Variants in GRK1 observed in about 807,000 individuals in gnomAD.
GRK1 encodes the protein G protein-coupled receptor kinase 1.
Under a neutral mutation model 41.7 loss-of-function variants are expected in GRK1, and 28 were observed. That is an observed-to-expected ratio of 0.67 (90% CI 0.50 to 0.92). The LOEUF is 0.92. Ranked by LOEUF, GRK1 falls within the 40% of genes least tolerant of loss-of-function variation. The pLI, the probability that GRK1 is intolerant of heterozygous loss-of-function variation, is 0.00. For synonymous variants in GRK1, 327 were observed against 286.7 expected (o/e 1.14, Z -1.42); for missense variants, 703 against 671.2 (o/e 1.05, Z -0.52).
rs1391265864 is a variant in GRK1, at chr13:113,733,787, A to G, written c.1396+702A>G. Reference sequence around the variant, plus strand: ...TGTATGTGTGTGCATACGTGTGTGCATGTGTGTATGTGTATCTGTGTGCAT... The same window carrying G: ...TGTATGTGTGTGCATACGTGTGTGCGTGTGTGTATGTGTATCTGTGTGCAT... On this transcript the variant is annotated intron_variant, in intron 6 of 6. Transcript: ENST00000335678. Among the ~76,000 whole-genome samples, 356 of 84,106 alleles carry G rather than the reference A, an allele frequency of 4.2e-3. 7 individuals are homozygous for G. Among genetic ancestry groups the G allele is most frequent in the Middle Eastern group, 0.02 (2 of 102 alleles). 55.2% of individuals were successfully genotyped at this position (84,106 alleles called of 152,430 possible).
chr13:113,727,382 C>CT (rs1279042566), intron 4 of GRK1, among the ~76,000 whole-genome samples: 1 of 151,996 alleles, frequency 6.6e-6, no homozygotes, highest in African/African-American at 2.4e-5. Context: ...GGACTGTGGG[C>CT]TTTGAGGTGT....
intron 2 of GRK1, among the ~76,000 whole-genome samples, chr13:113,670,186 T>G (rs2049847567): frequency 6.6e-6 from 1 of 152,126 alleles, no homozygotes; most frequent in African/African-American, 2.4e-5. Flanking sequence ...CGCCCACTCC[T>G]AGGGCTGACC....
chr13:113,724,839 G>A lies in GRK1; in HGVS notation c.1069+1682G>A, dbSNP rs190400879. Among the ~76,000 whole-genome samples, 52 of 152,374 alleles carry A rather than the reference G, an allele frequency of 3.4e-4. No homozygotes were observed. In the East Asian group the frequency reaches 7.0e-3, roughly 20 times the overall value. Reference sequence around the variant, plus strand: ...CGGCCCTCGAGTCTTTGGGACCCTTGCCAAGCCTGGGTGTGAGCGCGTGGG... The same window carrying A: ...CGGCCCTCGAGTCTTTGGGACCCTTACCAAGCCTGGGTGTGAGCGCGTGGG... On this transcript the variant is annotated intron_variant, in intron 4 of 6. Coordinates refer to ENST00000335678, the MANE Select transcript of GRK1 (RefSeq NM_002929.3).
intron 1 of GRK1, among the ~76,000 whole-genome samples, chr13:113,668,937 C>G (rs1274113700): frequency 6.6e-6 from 1 of 152,248 alleles, no homozygotes; most frequent in Non-Finnish European, 1.5e-5. Context: ...GGCGGAGGCC[C>G]TGGAACATCT....
chr13:113,732,784 G>A (rs1290291496), intron 5 of GRK1, 100 bp from the exon 6 acceptor site: 17 of 1,296,382 alleles, frequency 1.3e-5, no homozygotes, highest in South Asian at 1.1e-4. Flanking sequence ...TCCCCCACCC[G>A]CGTGGGTGAG....
At position 113,667,551 on chromosome 13, in the gene GRK1, C is replaced by T; in HGVS notation, c.165C>T (p.Ser55=). 1 of 1,613,580 alleles carries T rather than the reference C, an allele frequency of 6.2e-7. No homozygotes were observed. The highest frequency in any genetic ancestry group is 1.1e-5 in the South Asian group (1 of 91,070). Residue 55 remains serine, a synonymous_variant, in exon 1 of 7, where the codon AGC becomes AGT. Coordinates refer to ENST00000335678, the MANE Select transcript of GRK1 (RefSeq NM_002929.3). The surrounding 1 kb of genome is among the most constrained non-coding windows in gnomAD (Gnocchi z 7.5). The part of the protein sequence containing the change: ...SKCESLRDSL[S]LEFESVCLEQ... ...GTGAGTCCCTCCGCGACAGCCTCAG[C>T]CTGGAGTTTGAGAGTGTGTGCTTGG...
intron 5 of GRK1, among the ~76,000 whole-genome samples, chr13:113,732,165 A>G (rs1369752233): frequency 6.6e-6 from 1 of 152,156 alleles, no homozygotes; most frequent in Non-Finnish European, 1.5e-5. Flanking sequence ...CCAGAAGGCC[A>G]CCGTCTCAGA....
chr13:113,728,258 T>TACCCATGGCGATGAGG (rs2049907422), intron 4 of GRK1, among the ~76,000 whole-genome samples: 1 of 29,298 alleles, frequency 3.4e-5, no homozygotes, highest in African/African-American at 2.2e-4. Flanking sequence ...CGATGAGGAG[T>TACCCATGGCGATGAGG]ACCCATGGCG....
At position 113,667,525 on chromosome 13, in the gene GRK1, T is replaced by C; in HGVS notation, c.139T>C (p.Cys47Arg). Residue 47 changes from cysteine to arginine, a missense_variant, in exon 1 of 7, where the codon TGT (cysteine) becomes CGT (arginine). Cys to Arg is a radical substitution (Grantham distance 180). Coordinates refer to ENST00000335678, the MANE Select transcript of GRK1 (RefSeq NM_002929.3). This position sits in a 1 kb window ranked among gnomAD's most constrained non-coding sequence, Gnocchi z 7.5. ...GCTCAAGCTGCCCCCGCTGTCCAAG[T>C]GTGAGTCCCTCCGCGACAGCCTCAG... ...AKLKLPPLSK[C>R]ESLRDSLSLE... 1 of 1,613,318 alleles carries C rather than the reference T, an allele frequency of 6.2e-7. No individual in the cohort carries two copies. The highest frequency in any genetic ancestry group is 8.5e-7 in the Non-Finnish European group (1 of 1,179,824).
chr13:113,667,121 T>C (rs1431983351), upstream of GRK1: 3 of 426,130 alleles, frequency 7.0e-6, no homozygotes, highest in African/African-American at 5.9e-5. The surrounding 1 kb of genome is among the most constrained non-coding windows in gnomAD (Gnocchi z 7.5). Context: ...GGGGATTGTC[T>C]TTTTCTAGCA....
At chr13:113,650,792 T>A in the GRK1 span, among the ~76,000 whole-genome samples, 1 of 152,118 alleles carries the variant, frequency 6.6e-6, no homozygotes. The surrounding 1 kb of genome is among the most constrained non-coding windows in gnomAD (Gnocchi z 5.0). Flanking sequence ...GGAGGCGGCT[T>A]GCTTGTCTGT....
chr13:113,655,470 A>G, the GRK1 span, among the ~76,000 whole-genome samples: 104,611 of 152,104 alleles, frequency 0.69, 37,093 homozygotes, highest in African/African-American at 0.88. Context: ...CTCAGAAGCA[A>G]GGGTGTCCAT....
upstream of GRK1, among the ~76,000 whole-genome samples, chr13:113,664,953 G>C (rs1024337837): frequency 1.3e-5 from 2 of 152,172 alleles, no homozygotes; most frequent in African/African-American, 4.8e-5. This position sits in a 1 kb window ranked among gnomAD's most constrained non-coding sequence, Gnocchi z 5.4. Context: ...GTGAACGATG[G>C]GATATCACTC....
intron 5 of GRK1, among the ~76,000 whole-genome samples, chr13:113,732,085 C>T (rs1348193910): frequency 6.6e-6 from 1 of 152,090 alleles, no homozygotes; most frequent in Non-Finnish European, 1.5e-5. Flanking sequence ...TGGCTTTTTC[C>T]CTGTGAGGCT....
In GRK1 at chr13:113,671,685, G is replaced by T; in HGVS notation, c.985+29G>T. 1.4e-6 allele frequency: 1 copy of T among 722,628 alleles called. No individual in the cohort carries two copies. Among genetic ancestry groups the T allele is most frequent in the South Asian group, 1.4e-5 (1 of 69,894 alleles). 44.8% of individuals were successfully genotyped at this position (722,628 alleles called of 1,614,324 possible). On this transcript the variant is annotated intron_variant, in intron 3 of 6. Transcript: ENST00000335678. This position sits in a 1 kb window ranked among gnomAD's most constrained non-coding sequence, Gnocchi z 4.1. ...GGAGGTGCCCTCGGCTGGGAGGGAT[G>T]AGGGCTACGAGGAGGGCGGGGCGCA... is the stretch of plus-strand genomic sequence containing the variant.
the GRK1 span, chr13:113,651,563 GCTGACA>G: frequency 7.8e-7 from 1 of 1,274,784 alleles, no homozygotes; most frequent in South Asian, 1.8e-5. Flanking sequence ...TGGGCCGACG[GCTGACA>G]TTCCTGGAGA....
At chr13:113,672,381 GTATGTGTGGTAT>G (rs2049863326) in intron 3 of GRK1, among the ~76,000 whole-genome samples, 1 of 1,520 alleles carries the variant, frequency 6.6e-4, no homozygotes, top group South Asian at 0.012. Flanking sequence ...GTGGTACGTG[GTATGTGTGGTAT>G]TGTGTGTGGT....
rs1177481878 is a variant in GRK1 at position 113,735,268 on chromosome 13, G to A, written c.1597G>A (p.Val533Met). The A allele has an allele frequency of 2.6e-5, 40 of 1,536,852 alleles. No individual in the cohort carries two copies. The highest frequency in any genetic ancestry group is 2.7e-5 in the African/African-American group (2 of 73,052). Residue 533 changes from valine (V) to methionine (M), a missense_variant, in exon 7 of 7, where the codon GTG becomes ATG. Val to Met is a conservative substitution (Grantham distance 21). Transcript: ENST00000335678. ...IETGIFGELN[V>M]WRSDGQMPDD... ...GACGGGCATCTTTGGCGAGCTGAAC[G>A]TGTGGCGCTCGGACGGTCAGATGCC...
chr13:113,672,781 C>G (rs2049865488), intron 3 of GRK1, among the ~76,000 whole-genome samples: 1 of 75,130 alleles, frequency 1.3e-5, no homozygotes, highest in Non-Finnish European at 2.3e-5. Context: ...ACATTTATCT[C>G]ATTTTTCTCT....
Sources: gnomAD v4.1 joint callset for allele counts (sites outside exome capture counted in the v4.1 genomes callset) on GRCh38, gnomAD v4.1.1 for gene constraint, Gnocchi (gnomAD v3.1) non-coding constraint, MANE v1.5 for transcripts, NCBI Gene and HGNC (gene_info 2026-07-23, HGNC 2026-07-21) for gene names.